CLGN: variants seen among roughly 807,000 people sequenced by gnomAD.
The protein encoded by CLGN is testis tissue sperm-binding protein Li 79P.
Under a neutral mutation model 79.1 loss-of-function variants are expected in CLGN, and 62 were observed. The ratio of observed to expected loss-of-function variants is 0.78; its 90% CI spans 0.64 to 0.97. The LOEUF is 0.97. Ranked by LOEUF, CLGN falls within the 50% of genes least tolerant of loss-of-function variation. The pLI is 0.00. For synonymous variants in CLGN, 225 were observed against 224.7 expected, an observed-to-expected ratio of 1.00 and a Z score of -0.01; for missense variants, 647 against 715.5, an observed-to-expected ratio of 0.90 and a Z score of 1.09.
At chr4:140,416,868 G>C (rs1185026560) in intron 1 of CLGN, among the ~76,000 whole-genome samples, 1 of 150,556 alleles carries the variant, frequency 6.6e-6, no homozygotes, top group African/African-American at 2.4e-5. Flanking sequence ...GCATCATTCT[G>C]ATACCAAAGC....
At chr4:140,405,790 T>C (rs1343013463) in intron 5 of CLGN, 152 bp downstream of exon 5, 8 of 636,194 alleles carry the variant, frequency 1.3e-5, no homozygotes, top group South Asian at 1.2e-4. Flanking sequence ...CATGGATATG[T>C]TTGTGTGTAT....
chr4:140,425,444 G>GTGTGTC (rs1553946853), intron 1 of CLGN, among the ~76,000 whole-genome samples: 1 of 109,458 alleles, frequency 9.1e-6, no homozygotes, highest in Non-Finnish European at 2.1e-5. Context: ...GTGTGTGTGT[G>GTGTGTC]TGTGTGTGTG....
intron 8 of CLGN, among the ~76,000 whole-genome samples, chr4:140,398,071 A>G (rs1370800476): frequency 6.6e-6 from 1 of 152,182 alleles, no homozygotes; most frequent in East Asian, 1.9e-4. Flanking sequence ...GAAATAATCA[A>G]CTTTACAAAT....
In CLGN at chr4:140,400,431, T is replaced by C. The variant is rs753019673; in HGVS notation, c.620A>G (p.Glu207Gly). Residue 207 changes from glutamate to glycine, a missense_variant, in exon 7 of 15, where the codon GAG becomes GGG. Transcript: ENST00000325617. The part of the protein sequence containing the change: ...HKHPKTGVFE[E>G]KHAKPPDVDL... ...TACATCTGGAGGTTTGGCATGTTTCTCTTCGAAAACTCCAGTTTTGGGATG... is the reference window on the plus strand; with the variant it reads ...TACATCTGGAGGTTTGGCATGTTTCCCTTCGAAAACTCCAGTTTTGGGATG... The C allele has an allele frequency of 6.2e-7, 1 of 1,613,378 alleles. No individual in the cohort carries two copies. Among genetic ancestry groups the C allele is most frequent in the Non-Finnish European group, 8.5e-7 (1 of 1,179,456 alleles).
chr4:140,420,954 C>T (rs1009060100), intron 1 of CLGN, among the ~76,000 whole-genome samples: 3 of 152,090 alleles, frequency 2.0e-5, no homozygotes, highest in South Asian at 2.1e-4. Context: ...TTAACAACTC[C>T]CCACTACCCT....
At chr4:140,418,760 G>A (rs889445061) in intron 1 of CLGN, among the ~76,000 whole-genome samples, 2 of 149,694 alleles carry the variant, frequency 1.3e-5, no homozygotes, top group African/African-American at 4.9e-5. Flanking sequence ...TGGTGGGACT[G>A]TAAACTAGTT....
Position 140,392,587 on chromosome 4 carries a change from T to G in CLGN, c.1490A>C (p.Lys497Thr). Reference protein sequence around the residue: ...ITSFCWPRKVKKKHKDTEYKK... With the variant: ...ITSFCWPRKVTKKHKDTEYKK... Reference sequence around the variant, plus strand: ...TTGAAGGAAATCCATTTTCTTTACCTTTACTTTTCTTGGCCAACAAAATGA... The same window carrying G: ...TTGAAGGAAATCCATTTTCTTTACCGTTACTTTTCTTGGCCAACAAAATGA... The change falls in exon 12 of 15, where the codon AAG becomes ACG. Residue 497 changes from lysine to threonine, a missense_variant and splice_region_variant. Coordinates refer to ENST00000325617, the MANE Select transcript of CLGN (RefSeq NM_004362.3). 6.3e-7 allele frequency: 1 copy of G among 1,594,674 alleles called. No homozygotes were observed. Among genetic ancestry groups the G allele is most frequent in the African/African-American group, 1.4e-5 (1 of 73,860 alleles).
At chr4:140,392,126 T>C (rs1728783656) in intron 13 of CLGN, 93 bp downstream of exon 13, 1 of 1,373,362 alleles carries the variant, frequency 7.3e-7, no homozygotes, top group Non-Finnish European at 1.0e-6. Flanking sequence ...AACTTGATAA[T>C]AAACAAGTAT....
At chr4:140,400,808 T>A (rs1444677951) in intron 6 of CLGN, among the ~76,000 whole-genome samples, 2 of 152,150 alleles carry the variant, frequency 1.3e-5, no homozygotes, top group African/African-American at 4.8e-5. Context: ...CATAATATGC[T>A]TTAACTCTCT....
rs755892878 is a variant in CLGN, at chr4:140,390,687, C to T, written c.1693G>A (p.Glu565Lys). The T allele has an allele frequency of 1.9e-6, 3 of 1,605,254 alleles. No homozygotes were observed. Among genetic ancestry groups the T allele is most frequent in the Non-Finnish European group, 2.6e-6 (3 of 1,175,032 alleles). Residue 565 changes from glutamate (E) to lysine (K), a missense_variant, in exon 14 of 15, where the codon GAA becomes AAA. Glu to Lys is a moderately conservative substitution (Grantham distance 56, BLOSUM62 1). Coordinates refer to ENST00000325617, the MANE Select transcript of CLGN (RefSeq NM_004362.3). ...CTTTCTTCTTGCCCTTCTATGATTT[C>T]AATTTCTTCTTCACTCTTTTCCTCA... ...EPEEKSEEEI[E>K]IIEGQEESNQ...
chr4:140,398,725 A>G, intron 8 of CLGN, 126 bp downstream of exon 8: 1 of 748,560 alleles, frequency 1.3e-6, no homozygotes, highest in South Asian at 2.3e-5. Flanking sequence ...ATTTCACCCA[A>G]AATACTAAAA....
rs1400587224 is a variant in CLGN at position 140,392,366 on chromosome 4, CTT to C, written c.1502_1503del (p.Lys501ArgfsTer5). 6.3e-7 allele frequency: 1 copy of C among 1,590,014 alleles called. No individual in the cohort carries two copies. The highest frequency in any genetic ancestry group is 8.5e-7 in the Non-Finnish European group (1 of 1,173,152). ...CWPRKVKKKH[K>X]DTEYKKTDIC... ...ATGTCGGTTTTTTTATACTCTGTAT[CTT>C]TATGTTTTTTCTGTGGTAGTTAACA... On this transcript the variant is annotated frameshift_variant, in exon 13 of 15. Coordinates refer to ENST00000325617, the MANE Select transcript of CLGN (RefSeq NM_004362.3). LOFTEE classifies it high-confidence loss of function.
At chr4:140,416,485 A>G (rs1729334798) in intron 1 of CLGN, among the ~76,000 whole-genome samples, 1 of 152,102 alleles carries the variant, frequency 6.6e-6, no homozygotes, top group South Asian at 2.1e-4. Context: ...AGAGAGAAGA[A>G]TCTAATAGAC....
chr4:140,426,780 G>A (rs1218422528), intron 1 of CLGN: 4 of 152,218 alleles, frequency 2.6e-5, no homozygotes, highest in Non-Finnish European at 5.9e-5. Context: ...TTGTTGCTTG[G>A]GCAGATGCTA....
At chr4:140,423,310 C>T (rs1050533589) in intron 1 of CLGN, among the ~76,000 whole-genome samples, 8 of 152,174 alleles carry the variant, frequency 5.3e-5, no homozygotes, top group South Asian at 2.1e-4. Context: ...GTGTTCTCCC[C>T]TCCCTACATT....
At chr4:140,427,109 A>G (rs1341034256) in intron 1 of CLGN, among the ~76,000 whole-genome samples, 10 of 26,498 alleles carry the variant, frequency 3.8e-4, no homozygotes. Context: ...AACCATTGGG[A>G]GAGCGCCCCG....
intron 5 of CLGN, among the ~76,000 whole-genome samples, chr4:140,402,553 A>T (rs1343438458): frequency 6.6e-6 from 1 of 152,172 alleles, no homozygotes; most frequent in Non-Finnish European, 1.5e-5. Context: ...ACATTTAATT[A>T]AATAGCTCCA....
At chr4:140,395,069 T>C (rs1057394775) in intron 10 of CLGN, among the ~76,000 whole-genome samples, 1 of 151,854 alleles carries the variant, frequency 6.6e-6, no homozygotes, top group African/African-American at 2.4e-5. Flanking sequence ...CTCAGCTACG[T>C]AGGAGGGTGA....
chr4:140,412,829 A>T, intron 2 of CLGN, 106 bp downstream of exon 2: 1 of 1,002,900 alleles, frequency 1.0e-6, no homozygotes, highest in Non-Finnish European at 1.4e-6. Flanking sequence ...TTTTCTATCT[A>T]GCTCTAAAAT....
Sources: allele counts gnomAD v4.1 joint callset (sites outside exome capture counted in the v4.1 genomes callset), GRCh38; gene constraint gnomAD v4.1.1; transcripts MANE v1.5; gene names NCBI Gene and HGNC (gene_info 2026-07-23, HGNC 2026-07-21).